Variants in DNAJB6 observed in about 807,000 individuals in gnomAD.
DNAJB6 encodes dnaJ homolog subfamily B member 6.
Under a neutral mutation model 42.7 loss-of-function variants are expected in DNAJB6, and 16 were observed. The ratio of observed to expected loss-of-function variants is 0.37; its 90% confidence interval spans 0.25 to 0.57. The LOEUF is 0.57. DNAJB6 is among the 20% of genes least tolerant of loss of function. The pLI is 0.74. For synonymous variants in DNAJB6, 170 were observed against 163.5 expected (o/e 1.04, Z -0.30); for missense variants, 347 against 416.8 (o/e 0.83, Z 1.46).
At chr7:157,385,636 A>G in intron 8 of DNAJB6, 25 bp downstream of exon 8, 1 of 1,613,414 alleles carries the variant, frequency 6.2e-7, no homozygotes, top group East Asian at 2.2e-5. Flanking sequence ...CTGCGCTTGG[A>G]TAACAAGTAA....
intron 8 of DNAJB6, among the ~76,000 whole-genome samples, chr7:157,391,276 A>G (rs1400107840): frequency 1.3e-5 from 2 of 152,240 alleles, no homozygotes; most frequent in Non-Finnish European, 2.9e-5. Flanking sequence ...TGCCAAATTG[A>G]GAACTTTGCT....
At chr7:157,381,545 C>T (rs1157077870) in intron 5 of DNAJB6, 2 of 152,164 alleles carry the variant, frequency 1.3e-5, no homozygotes, top group African/African-American at 2.4e-5. Flanking sequence ...CACTTGGCAG[C>T]GTGATGCTTC....
At chr7:157,365,661 GA>G (rs869111392) in intron 3 of DNAJB6, among the ~76,000 whole-genome samples, 2 of 152,008 alleles carry the variant, frequency 1.3e-5, no homozygotes, top group Non-Finnish European at 2.9e-5. Flanking sequence ...ATGGAATAAA[GA>G]AAAAAATTTT....
At chr7:157,384,143 A>T (rs554836460) in intron 6 of DNAJB6, among the ~76,000 whole-genome samples, 62 of 152,298 alleles carry the variant, frequency 4.1e-4, no homozygotes, top group Non-Finnish European at 7.9e-4. Flanking sequence ...TAATATCGAA[A>T]AATAGGTTTG....
intron 8 of DNAJB6, among the ~76,000 whole-genome samples, chr7:157,403,492 G>T (rs1795615898): frequency 6.6e-6 from 1 of 152,150 alleles, no homozygotes; most frequent in African/African-American, 2.4e-5. Flanking sequence ...TTGAGACATT[G>T]TCTCATTCCT....
rs533879160 is a variant in DNAJB6 at position 157,360,368 on chromosome 7, A to G, written c.65+1731A>G. Among the ~76,000 whole-genome samples, 22 of 152,352 alleles carry G rather than the reference A, an allele frequency of 1.4e-4. No individual in the cohort carries two copies. The South Asian group carries it at 4.6e-3, about 32-fold the overall frequency. On this transcript the variant is annotated intron_variant, in intron 2 of 9. Coordinates refer to ENST00000262177, the MANE Select transcript of DNAJB6 (RefSeq NM_058246.4). Reference sequence around the variant, plus strand: ...AGTTACCTCCCCCTGGGTCCCTCGCATAACACCTGGGAGTTCTGGGAGTTA... The same window carrying G: ...AGTTACCTCCCCCTGGGTCCCTCGCGTAACACCTGGGAGTTCTGGGAGTTA...
intron 5 of DNAJB6, among the ~76,000 whole-genome samples, chr7:157,374,283 T>C (rs1800362395): frequency 1.3e-5 from 2 of 152,158 alleles, no homozygotes; most frequent in Non-Finnish European, 2.9e-5. Context: ...TTTTTTGAGA[T>C]GGAGTCTCAC....
At chr7:157,346,133 C>G (rs1051676600) in intron 1 of DNAJB6, among the ~76,000 whole-genome samples, 3 of 152,014 alleles carry the variant, frequency 2.0e-5, no homozygotes, top group Non-Finnish European at 4.4e-5. Context: ...TGTGCTCATC[C>G]TCACAGTGCT....
At chr7:157,393,480 A>G (rs1244065887) in intron 8 of DNAJB6, among the ~76,000 whole-genome samples, 1 of 152,238 alleles carries the variant, frequency 6.6e-6, no homozygotes, top group Non-Finnish European at 1.5e-5. Flanking sequence ...ATTCCTCTAC[A>G]TGGCACTGTT....
chr7:157,367,865 A>G (rs1220041807), intron 5 of DNAJB6, among the ~76,000 whole-genome samples: 1 of 152,184 alleles, frequency 6.6e-6, no homozygotes, highest in East Asian at 1.9e-4. Flanking sequence ...TGTCTCAAAA[A>G]AAAAAAAGTT....
Position 157,401,374 on chromosome 7 carries a change from C to T in DNAJB6, c.692-8421C>T, listed in dbSNP as rs140085275. Among the ~76,000 whole-genome samples the T allele has an allele frequency of 3.8e-3, 573 of 152,282 alleles. 8 individuals are homozygous for T. Among genetic ancestry groups the T allele is most frequent in the African/African-American group, 0.013 (536 of 41,554 alleles). ...GGGATTACAGGCACGCGCCACCACA[C>T]CCCGCTAATTTTGTATTTTTAGTAG... On this transcript the variant is annotated intron_variant, in intron 8 of 9. Coordinates refer to ENST00000262177, the MANE Select transcript of DNAJB6 (RefSeq NM_058246.4).
intron 8 of DNAJB6, among the ~76,000 whole-genome samples, chr7:157,390,482 C>G (rs1288469791): frequency 6.6e-6 from 1 of 152,234 alleles, no homozygotes; most frequent in Non-Finnish European, 1.5e-5. Flanking sequence ...ACTGAACTGA[C>G]TGCCATTCAG....
intron 8 of DNAJB6, among the ~76,000 whole-genome samples, chr7:157,404,656 A>G (rs1463387937): frequency 9.9e-5 from 15 of 151,804 alleles, no homozygotes; most frequent in African/African-American, 3.1e-4. Flanking sequence ...GACTACAGGC[A>G]CACGCCACCA....
At chr7:157,339,283 T>A (rs1418790598) in intron 1 of DNAJB6, among the ~76,000 whole-genome samples, 1 of 79,620 alleles carries the variant, frequency 1.3e-5, no homozygotes, top group Non-Finnish European at 2.2e-5. Context: ...GTTTGCACCT[T>A]TTTTTTTTTT....
Position 157,416,180 on chromosome 7 carries a change from A to G in DNAJB6, c.*82A>G, listed in dbSNP as rs1397239496. The stretch of plus-strand genomic sequence containing the variant: ...ATGCGGTCGTGCACACGCGCTAGGT[A>G]GCAGCGTCGGTCAGGACTGTCTCGA... On this transcript the variant is annotated 3_prime_UTR_variant, in exon 10 of 10. Transcript: ENST00000262177. 1.6e-5 allele frequency: 25 copies of G among 1,556,044 alleles called. 1 individual carries two copies. Among genetic ancestry groups the G allele is most frequent in the Non-Finnish European group, 2.1e-5 (24 of 1,149,244 alleles).
chr7:157,351,905 A>G (rs1799000859), intron 1 of DNAJB6, among the ~76,000 whole-genome samples: 2 of 152,106 alleles, frequency 1.3e-5, no homozygotes, highest in African/African-American at 4.8e-5. Flanking sequence ...AGGCAGGAGA[A>G]TTGCTTGAAC....
Position 157,384,906 on chromosome 7 carries a change from C to A in DNAJB6, c.518C>A (p.Thr173Asn). 1 of 1,613,508 alleles carries A rather than the reference C, an allele frequency of 6.2e-7. No homozygotes were observed. Among genetic ancestry groups the A allele is most frequent in the Non-Finnish European group, 8.5e-7 (1 of 1,179,864 alleles). The change falls in exon 7 of 10, where the codon ACT (threonine) becomes AAT (asparagine). Residue 173 changes from threonine (T) to asparagine (N), a missense_variant. Physicochemically the swap from Thr to Asn is moderately conservative, Grantham distance 65. Coordinates refer to ENST00000262177, the MANE Select transcript of DNAJB6 (RefSeq NM_058246.4). ...SFGSLGHGGLTSFSSTSFGGS... is the reference protein window; with the variant it reads ...SFGSLGHGGLNSFSSTSFGGS... ...GGGTCACTAGGTCACGGGGGCCTCA[C>A]TTCATTCTCTTCCACGTCATTTGGT...
chr7:157,348,195 C>T (rs553054554), intron 1 of DNAJB6, among the ~76,000 whole-genome samples: 5 of 151,872 alleles, frequency 3.3e-5, no homozygotes, highest in East Asian at 1.9e-4. Context: ...CGGGTTCAAG[C>T]GATTCTCCTG....
chr7:157,369,172 C>G (rs1380966580), intron 5 of DNAJB6: 1 of 419,530 alleles, frequency 2.4e-6, no homozygotes, highest in South Asian at 1.7e-5. Flanking sequence ...AGTGCATTTG[C>G]TGTAATCACT....
Sources: gnomAD v4.1 joint callset for allele counts (sites outside exome capture counted in the v4.1 genomes callset) on GRCh38, gnomAD v4.1.1 for gene constraint, MANE v1.5 for transcripts, NCBI Gene and HGNC (gene_info 2026-07-23, HGNC 2026-07-21) for gene names.